Variants in NHS observed in about 807,000 individuals in gnomAD.
NHS encodes actin remodeling regulator NHS.
NHS carries 5 observed loss-of-function variants against 72.5 expected under a neutral mutation model. The observed-to-expected ratio is 0.07, with a 90% CI of 0.04 to 0.14. NHS has a LOEUF of 0.14. NHS is among the 10% of genes least tolerant of loss of function. The pLI is 1.00. For missense variants in NHS, 1,072 were observed against 1,355.7 expected (o/e 0.79, Z 3.29); for synonymous variants, 464 against 547.7 (o/e 0.85, Z 2.13).
chrX:17,478,418 T>C (rs2064930975), intron 1 of NHS, among the ~76,000 whole-genome samples: 1 of 112,211 alleles, frequency 8.9e-6, no homozygotes, highest in South Asian at 3.7e-4. Flanking sequence ...ATGAATGGGC[T>C]TGACCTTGAA....
intron 1 of NHS, among the ~76,000 whole-genome samples, chrX:17,461,513 G>A (rs746926006): frequency 1.8e-5 from 2 of 112,632 alleles, no homozygotes; most frequent in South Asian, 7.4e-4. Context: ...GTTCTCTTTA[G>A]AAAAACTAGT....
intron 1 of NHS, among the ~76,000 whole-genome samples, chrX:17,447,785 GCACACACACACACACACACA>G (rs58710651): frequency 1.1e-5 from 1 of 89,645 alleles, no homozygotes; most frequent in Non-Finnish European, 2.3e-5. Context: ...ACACACACAC[GCACACACACACACACACACA>G]CACACACACA....
chrX:17,471,317 C>G (rs907253099), intron 1 of NHS, among the ~76,000 whole-genome samples: 6 of 112,141 alleles, frequency 5.4e-5, no homozygotes, highest in Non-Finnish European at 9.4e-5. Flanking sequence ...CATAGCCAAC[C>G]ACAGCTATGA....
At chrX:17,401,393 A>G (rs2064502417) in intron 1 of NHS, among the ~76,000 whole-genome samples, 1 of 112,528 alleles carries the variant, frequency 8.9e-6, no homozygotes, top group African/African-American at 3.2e-5. Flanking sequence ...CTTCATAGAA[A>G]TAAAGAACTT....
intron 3 of NHS, among the ~76,000 whole-genome samples, chrX:17,714,527 T>C (rs751914260): frequency 8.9e-6 from 1 of 112,167 alleles, no homozygotes; most frequent in East Asian, 2.8e-4. Context: ...TCTTTGACCT[T>C]GTACTGGATG....
At chrX:17,514,141 C>T (rs2065105921) in intron 1 of NHS, among the ~76,000 whole-genome samples, 1 of 111,947 alleles carries the variant, frequency 8.9e-6, no homozygotes, top group Admixed American at 9.5e-5. Flanking sequence ...TTACCTCCCA[C>T]CAGGTCCCTC....
chrX:17,536,016 A>G (rs952409125), intron 1 of NHS, among the ~76,000 whole-genome samples: 1 of 111,777 alleles, frequency 8.9e-6, no homozygotes, highest in Admixed American at 9.4e-5. Context: ...CCCTTCATTC[A>G]TTTGACAGGT....
intron 1 of NHS, among the ~76,000 whole-genome samples, chrX:17,679,859 AGG>A (rs138011299): frequency 0.033 from 2,618 of 78,495 alleles, 82 homozygotes; most frequent in African/African-American, 0.1. Context: ...GAATGAAGAA[AGG>A]GGGGGGGGGT....
At chrX:17,708,395 A>G (rs1198902998) in intron 3 of NHS, among the ~76,000 whole-genome samples, 3 of 111,893 alleles carry the variant, frequency 2.7e-5, no homozygotes, top group African/African-American at 9.7e-5. Context: ...TGTACTCTCG[A>G]AACAATATCT....
At chrX:17,698,910 C>T (rs1477512610) in intron 3 of NHS, among the ~76,000 whole-genome samples, 11 of 110,725 alleles carry the variant, frequency 9.9e-5, no homozygotes, top group Admixed American at 1.9e-4. Flanking sequence ...ATTAGAAATG[C>T]CCCTAATGTT....
chrX:17,619,580 A>G (rs865983517), intron 1 of NHS, among the ~76,000 whole-genome samples: 14 of 111,859 alleles, frequency 1.3e-4, no homozygotes, highest in Admixed American at 6.6e-4. Context: ...CTCTTTGATC[A>G]CCATGTCCAA....
intron 3 of NHS, among the ~76,000 whole-genome samples, chrX:17,716,328 A>G (rs1371888496): frequency 1.8e-5 from 2 of 112,440 alleles, no homozygotes; most frequent in Non-Finnish European, 3.7e-5. Context: ...TTATGTATTA[A>G]CATTAATATC....
At chrX:17,508,393 T>G (rs1000356434) in intron 1 of NHS, among the ~76,000 whole-genome samples, 1 of 112,469 alleles carries the variant, frequency 8.9e-6, no homozygotes, top group African/African-American at 3.2e-5. Flanking sequence ...ACAGCAGGTA[T>G]TAGTATTTCA....
chrX:17,692,372 A>G lies in NHS; in HGVS notation c.756A>G (p.Ala252=). The G allele has an allele frequency of 2.5e-6, 3 of 1,210,799 alleles. No homozygotes were observed. Among genetic ancestry groups the G allele is most frequent in the Non-Finnish European group, 3.4e-6 (3 of 895,227 alleles). Residue 252 remains alanine (A), a synonymous_variant, in exon 3 of 9, where the codon GCA becomes GCG. Coordinates refer to ENST00000676302, the MANE Select transcript of NHS (RefSeq NM_001291867.2). ...RSRSDRREQR[A]AAPLSIAAPP... ...GGAGCGATCGCCGAGAGCAAAGAGCAGCTGCCCCCCTTTCCATTGCAGCTC... is the reference window on the plus strand; with the variant it reads ...GGAGCGATCGCCGAGAGCAAAGAGCGGCTGCCCCCCTTTCCATTGCAGCTC...
chrX:17,448,530 C>T (rs1460000864), intron 1 of NHS, among the ~76,000 whole-genome samples: 1 of 112,178 alleles, frequency 8.9e-6, no homozygotes, highest in Non-Finnish European at 1.9e-5. Context: ...CATTTGGTGA[C>T]TTCCAGCTCA....
At chrX:17,447,508 T>C (rs1157565051) in intron 1 of NHS, among the ~76,000 whole-genome samples, 2 of 111,333 alleles carry the variant, frequency 1.8e-5, no homozygotes, top group Non-Finnish European at 3.8e-5. Flanking sequence ...ATTGTAGTTT[T>C]TATTAGTGAT....
chrX:17,579,095 C>A (rs2065528517), intron 1 of NHS, among the ~76,000 whole-genome samples: 1 of 112,392 alleles, frequency 8.9e-6, no homozygotes, highest in South Asian at 3.7e-4. Context: ...TGGTGAAATT[C>A]AAATTCCTTT....
chrX:17,701,816 C>T (rs1281034205), intron 3 of NHS, among the ~76,000 whole-genome samples: 2 of 111,200 alleles, frequency 1.8e-5, no homozygotes, highest in Admixed American at 9.5e-5. Context: ...TCAGGTTATG[C>T]TCAAATGTGA....
intron 1 of NHS, among the ~76,000 whole-genome samples, chrX:17,386,444 T>C (rs2064409009): frequency 9.0e-6 from 1 of 110,577 alleles, no homozygotes; most frequent in African/African-American, 3.3e-5. Context: ...GTGGATCACT[T>C]GAGGTCAGGA....
Sources: gnomAD v4.1 joint callset for allele counts (sites outside exome capture counted in the v4.1 genomes callset) on GRCh38, gnomAD v4.1.1 for gene constraint, MANE v1.5 for transcripts, NCBI Gene and HGNC (gene_info 2026-07-23, HGNC 2026-07-21) for gene names.